WASF3: variants seen among roughly 807,000 people sequenced by gnomAD.
WASF3 encodes the protein WASP family member 3, also known as actin-binding protein WASF3.
In WASF3, 11 loss-of-function variants were observed where a neutral mutation model predicts 46.6. That is an observed-to-expected ratio of 0.24 (90% CI 0.15 to 0.39). The LOEUF is 0.39. Ranked by LOEUF, WASF3 falls within the 10% of genes least tolerant of loss-of-function variation. The pLI is 1.00. For missense variants in WASF3, 576 were observed against 669.8 expected (o/e 0.86, Z 1.55); for synonymous variants, 242 against 259.7 (o/e 0.93, Z 0.65).
chr13:26,673,741 AACTT>A (rs1259198583), intron 6 of WASF3, among the ~76,000 whole-genome samples: 2 of 152,224 alleles, frequency 1.3e-5, no homozygotes, highest in South Asian at 4.1e-4. Flanking sequence ...AAGCCTTAAA[AACTT>A]AATTACACAA....
intron 1 of WASF3, chr13:26,609,648 A>G (rs1277337870): frequency 6.6e-6 from 1 of 152,058 alleles, no homozygotes; most frequent in African/African-American, 2.4e-5. Context: ...ACTTAGGCTT[A>G]GAGACAGCAG....
At chr13:26,549,733 A>G in the WASF3 span, among the ~76,000 whole-genome samples, 1 of 152,220 alleles carries the variant, frequency 6.6e-6, no homozygotes. Flanking sequence ...AAATCTGTTA[A>G]GATCTTTAAA....
chr13:26,559,312 T>C (rs1879205207), intron 1 of WASF3, among the ~76,000 whole-genome samples: 1 of 152,266 alleles, frequency 6.6e-6, no homozygotes, highest in Non-Finnish European at 1.5e-5. Flanking sequence ...TTCCAACCTG[T>C]GCTTATTCTA....
chr13:26,632,908 T>C (rs2137264407), intron 2 of WASF3, among the ~76,000 whole-genome samples: 1 of 152,316 alleles, frequency 6.6e-6, no homozygotes, highest in East Asian at 1.9e-4. Context: ...TGGGAGGGTG[T>C]ATGTGTCCAG....
intron 2 of WASF3, among the ~76,000 whole-genome samples, chr13:26,627,810 A>G (rs1023438530): frequency 6.6e-6 from 1 of 151,814 alleles, no homozygotes; most frequent in Non-Finnish European, 1.5e-5. Context: ...TGGGTGCAGC[A>G]CACCAGCATG....
At chr13:26,558,550 G>A (rs1413044436) in intron 1 of WASF3, among the ~76,000 whole-genome samples, 2 of 150,206 alleles carry the variant, frequency 1.3e-5, no homozygotes, top group Non-Finnish European at 3.0e-5. Flanking sequence ...GAGGGCAGAA[G>A]CTTCCTCTCA....
At position 26,659,035 on chromosome 13, in the gene WASF3, A is replaced by G. The variant is rs568867269; in HGVS notation, c.134-5993A>G. Among the ~76,000 whole-genome samples, 5 of 152,344 alleles carry G rather than the reference A, an allele frequency of 3.3e-5. No homozygotes were observed. In the South Asian group the frequency reaches 1.0e-3, roughly 32 times the overall value. ...TTCTAGTGGTGGGAGACAGATGAGA[A>G]ACAAGATGAATACATACAAGTGCAT... On this transcript the variant is annotated intron_variant, in intron 3 of 9. Transcript: ENST00000335327.
intron 1 of WASF3, among the ~76,000 whole-genome samples, chr13:26,561,869 C>G (rs957377995): frequency 6.6e-6 from 1 of 152,174 alleles, no homozygotes; most frequent in Non-Finnish European, 1.5e-5. Flanking sequence ...TCCAGTCTGA[C>G]TCCAAGGTTT....
At chr13:26,576,409 G>A (rs1879799089) in intron 1 of WASF3, among the ~76,000 whole-genome samples, 1 of 151,880 alleles carries the variant, frequency 6.6e-6, no homozygotes, top group Admixed American at 6.6e-5. Flanking sequence ...TTTGAGAATT[G>A]TTGCATCATA....
At chr13:26,610,626 G>A (rs1237776439) in intron 1 of WASF3, among the ~76,000 whole-genome samples, 3 of 152,212 alleles carry the variant, frequency 2.0e-5, no homozygotes, top group Non-Finnish European at 2.9e-5. Flanking sequence ...CACAGGGAGT[G>A]TAACAGATGC....
chr13:26,654,000 C>T (rs2137438035), intron 3 of WASF3, among the ~76,000 whole-genome samples: 1 of 152,310 alleles, frequency 6.6e-6, no homozygotes, highest in Non-Finnish European at 1.5e-5. Context: ...CTATCAGAGA[C>T]ATCCAGTCCA....
rs1348271293 is a variant in WASF3 at position 26,676,697 on chromosome 13, C to G, written c.689C>G (p.Ser230Cys). 6 of 1,613,960 alleles carry G rather than the reference C, an allele frequency of 3.7e-6. No individual in the cohort carries two copies. The highest frequency in any genetic ancestry group is 5.1e-6 in the Non-Finnish European group (6 of 1,179,990). ...CAGAGTGTGTACCATGGAGCGTCTT[C>G]CGAGGGATCCCTGTCCCCAGATACT... is the stretch of plus-strand genomic sequence containing the variant. ...LSQSVYHGAS[S>C]EGSLSPDTRS... Residue 230 changes from serine (S) to cysteine (C), a missense_variant, in exon 7 of 10, where the codon TCC becomes TGC. Around this residue, in one of 3 missense-constraint regions of WASF3, gnomAD observed 295 missense variants for 291.5 expected, o/e 1.01. Transcript: ENST00000335327.
intron 3 of WASF3, among the ~76,000 whole-genome samples, chr13:26,663,298 A>C (rs1882683598): frequency 7.2e-6 from 1 of 139,692 alleles, no homozygotes; most frequent in African/African-American, 3.4e-5. Flanking sequence ...TTCAGTAGCT[A>C]GTTAGATAAC....
chr13:26,540,854 A>G, the WASF3 span, among the ~76,000 whole-genome samples: 51 of 152,170 alleles, frequency 3.4e-4, no homozygotes, highest in Non-Finnish European at 8.8e-5. Context: ...ACTATAGATA[A>G]AGGTTGGTTG....
chr13:26,686,412 G>C lies in WASF3; in HGVS notation c.*567G>C, dbSNP rs1883406737. The C allele has an allele frequency of 6.6e-6, 1 of 152,458 alleles. No individual in the cohort carries two copies. The highest frequency in any genetic ancestry group is 1.5e-5 in the Non-Finnish European group (1 of 68,238). The allele number at this position is 152,458 out of a possible 1,614,324, so 9.4% of individuals were successfully genotyped here. ...TTGGTAGCCTCTGAGTGAATCTGAT[G>C]CTCTGCTGAATAATTTCATTACCTC... On this transcript the variant is annotated 3_prime_UTR_variant, in exon 10 of 10. Transcript: ENST00000335327.
rs960783167 is a variant in WASF3 at position 26,685,868 on chromosome 13, C to T, written c.*23C>T. 4 of 1,603,442 alleles carry T rather than the reference C, an allele frequency of 2.5e-6. No individual in the cohort carries two copies. Among genetic ancestry groups the T allele is most frequent in the Non-Finnish European group, 3.4e-6 (4 of 1,171,068 alleles). On this transcript the variant is annotated 3_prime_UTR_variant, in exon 10 of 10. Coordinates refer to ENST00000335327, the MANE Select transcript of WASF3 (RefSeq NM_006646.6). ...TGAGCAAAGGCCGGCGGAGAGGCCG[C>T]GTGTGGGAGCGTGTTGAAGATTTTA...
At position 26,648,383 on chromosome 13, in the gene WASF3, A is replaced by G. The variant is rs199872229; in HGVS notation, c.133+5980A>G. 3.9e-5 allele frequency among the ~76,000 whole-genome samples: 6 copies of G among 152,338 alleles called. No homozygotes were observed. The South Asian group carries it at 6.2e-4, about 16-fold the overall frequency. ...CCTTAAGACACACATTGTGTTTCCCAGTCAACCAAATGCACTCTAATTCAG... is the reference window on the plus strand; with the variant it reads ...CCTTAAGACACACATTGTGTTTCCCGGTCAACCAAATGCACTCTAATTCAG... On this transcript the variant is annotated intron_variant, in intron 3 of 9. Coordinates refer to ENST00000335327, the MANE Select transcript of WASF3 (RefSeq NM_006646.6).
rs115294188 is a variant in WASF3 at position 26,614,144 on chromosome 13, G to A, written c.-11+1086G>A. 5.6e-3 allele frequency among the ~76,000 whole-genome samples: 859 copies of A among 152,268 alleles called. 10 individuals carry two copies. Among genetic ancestry groups the A allele is most frequent in the African/African-American group, 0.02 (818 of 41,558 alleles). On this transcript the variant is annotated intron_variant, in intron 2 of 9. Transcript: ENST00000335327. ...TTGGTTTTAAGATGATATTGAAAGAGAACATAAGGTAGAAGAAAGGCTATT... is the reference window on the plus strand; with the variant it reads ...TTGGTTTTAAGATGATATTGAAAGAAAACATAAGGTAGAAGAAAGGCTATT...
intron 2 of WASF3, among the ~76,000 whole-genome samples, chr13:26,615,710 A>G (rs180937797): frequency 9.5e-4 from 144 of 152,324 alleles, no homozygotes; most frequent in African/African-American, 3.2e-3. Flanking sequence ...ATATGTATAC[A>G]CCCATGATAC....
Sources: gnomAD v4.1 joint callset for allele counts (sites outside exome capture counted in the v4.1 genomes callset) on GRCh38, gnomAD v4.1.1 for gene constraint, gnomAD v4.1.1 regional missense constraint, MANE v1.5 for transcripts, NCBI Gene and HGNC (gene_info 2026-07-23, HGNC 2026-07-21) for gene names.